The following DTNA variants were observed in gnomAD, a reference collection of about 807,000 sequenced individuals.
DTNA encodes the protein dystrophin-related protein 3.
In DTNA, 43 loss-of-function variants were observed where a neutral mutation model predicts 100.7. The ratio of observed to expected loss-of-function variants is 0.43; its 90% CI spans 0.33 to 0.55. The LOEUF is 0.55. Ranked by LOEUF, DTNA falls within the 20% of genes least tolerant of loss-of-function variation. The pLI, the probability that DTNA is intolerant of heterozygous loss-of-function variation, is 0.04. For synonymous variants in DTNA, 349 were observed against 347.9 expected (o/e 1.00, Z -0.04); for missense variants, 798 against 953.9 (o/e 0.84, Z 2.15).
intron 3 of DTNA, among the ~76,000 whole-genome samples, chr18:34,782,318 G>T (rs1366384543): frequency 1.3e-5 from 2 of 152,142 alleles, no homozygotes; most frequent in Non-Finnish European, 2.9e-5. Context: ...AGAAACTGAT[G>T]AAAGCCATGG....
intron 1 of DTNA, among the ~76,000 whole-genome samples, chr18:34,688,365 T>C (rs896323793): frequency 6.6e-6 from 1 of 152,196 alleles, no homozygotes; most frequent in African/African-American, 2.4e-5. Context: ...AGTATTTGCT[T>C]GTCTGTAAGG....
At chr18:34,536,088 T>C (rs528219433) in intron 1 of DTNA, among the ~76,000 whole-genome samples, 22 of 152,164 alleles carry the variant, frequency 1.4e-4, no homozygotes, top group South Asian at 6.2e-4. Context: ...TTTCCATTTC[T>C]TTCTTTAATT....
At chr18:34,664,500 G>C (rs940650664) in intron 1 of DTNA, among the ~76,000 whole-genome samples, 3 of 152,136 alleles carry the variant, frequency 2.0e-5, no homozygotes, top group Non-Finnish European at 4.4e-5. Context: ...TAGTATGCAA[G>C]TGGAATAAAA....
At chr18:34,602,971 C>T (rs1234652871) in intron 1 of DTNA, among the ~76,000 whole-genome samples, 1 of 151,514 alleles carries the variant, frequency 6.6e-6, no homozygotes, top group Non-Finnish European at 1.5e-5. Context: ...CCATTGTACT[C>T]CAGCCCGGGC....
chr18:34,511,437 G>A (rs1010829644), intron 1 of DTNA, among the ~76,000 whole-genome samples: 1 of 152,032 alleles, frequency 6.6e-6, no homozygotes, highest in African/African-American at 2.4e-5. Flanking sequence ...CCACCAAAAG[G>A]TAGAGCTGAA....
chr18:34,696,758 T>A (rs887068353), intron 1 of DTNA, among the ~76,000 whole-genome samples: 7 of 152,160 alleles, frequency 4.6e-5, no homozygotes, highest in Non-Finnish European at 7.3e-5. Flanking sequence ...GATTTTTTTT[T>A]AATTTAAATG....
chr18:34,601,035 G>T (rs758303410), intron 1 of DTNA, among the ~76,000 whole-genome samples: 1 of 152,226 alleles, frequency 6.6e-6, no homozygotes, highest in Non-Finnish European at 1.5e-5. Context: ...GTGAGCCCCA[G>T]TACTGGGGCT....
chr18:34,671,809 C>A (rs535531501), intron 1 of DTNA, among the ~76,000 whole-genome samples: 1 of 152,248 alleles, frequency 6.6e-6, no homozygotes, highest in African/African-American at 2.4e-5. Flanking sequence ...TCAACAGACA[C>A]AGTTATACCA....
intron 22 of DTNA, 134 bp from the exon 23 acceptor site, chr18:34,887,632 T>G: frequency 1.8e-6 from 1 of 566,256 alleles, no homozygotes; most frequent in Non-Finnish European, 2.2e-6. Context: ...GAAAGGAGTG[T>G]GTGTGTGCAT....
At chr18:34,579,311 A>G (rs1308953214) in intron 1 of DTNA, among the ~76,000 whole-genome samples, 1 of 152,186 alleles carries the variant, frequency 6.6e-6, no homozygotes, top group Non-Finnish European at 1.5e-5. Context: ...GTAGATGATG[A>G]TAGATATGTA....
chr18:34,781,276 T>C (rs1202994674), intron 3 of DTNA, among the ~76,000 whole-genome samples: 1 of 152,246 alleles, frequency 6.6e-6, no homozygotes, highest in African/African-American at 2.4e-5. Context: ...AAGAGTAGTA[T>C]ACATTAATAT....
At chr18:34,695,173 T>G (rs937893774) in intron 1 of DTNA, among the ~76,000 whole-genome samples, 1 of 152,220 alleles carries the variant, frequency 6.6e-6, no homozygotes, top group Non-Finnish European at 1.5e-5. Flanking sequence ...GCAGGACTTG[T>G]AAATGCCCCC....
intron 1 of DTNA, among the ~76,000 whole-genome samples, chr18:34,515,452 CA>C (rs2041507957): frequency 2.6e-5 from 4 of 152,122 alleles, no homozygotes; most frequent in African/African-American, 9.7e-5. Context: ...CTTGCACACA[CA>C]TACACACAAA....
intron 17 of DTNA, chr18:34,866,742 CA>C (rs1211375506): frequency 1.0e-6 from 1 of 989,620 alleles, no homozygotes; most frequent in Non-Finnish European, 1.2e-6. Flanking sequence ...ATTCACGTCC[CA>C]TCTTTTTGGC....
chr18:34,697,372 A>G (rs2080723608), intron 1 of DTNA, among the ~76,000 whole-genome samples: 2 of 152,196 alleles, frequency 1.3e-5, no homozygotes, highest in Non-Finnish European at 2.9e-5. Context: ...AAATACCTAC[A>G]TAACTGCCTT....
intron 1 of DTNA, among the ~76,000 whole-genome samples, chr18:34,702,016 T>C (rs1397700849): frequency 6.6e-6 from 1 of 152,198 alleles, no homozygotes; most frequent in Admixed American, 6.5e-5. Context: ...TTCAGAAGCT[T>C]TGTGCTGCCC....
In DTNA at chr18:34,875,220, A is replaced by G. The variant is rs1334685229; in HGVS notation, c.1744-19A>G. The stretch of plus-strand genomic sequence containing the variant: ...ATTTTCTTGGGAAAGCAAATTAATG[A>G]CCTGCATTGTCTCTCCAGACTCAGG... On this transcript the variant is annotated intron_variant, in intron 17 of 22. Coordinates refer to ENST00000444659, the MANE Select transcript of DTNA (RefSeq NM_001386795.1). The G allele has an allele frequency of 3.1e-6, 5 of 1,611,902 alleles. No individual in the cohort carries two copies. The highest frequency in any genetic ancestry group is 1.7e-5 in the Admixed American group (1 of 59,968).
At chr18:34,756,231 C>G (rs2092759168) in intron 2 of DTNA, among the ~76,000 whole-genome samples, 188 bp downstream of exon 2, 1 of 152,090 alleles carries the variant, frequency 6.6e-6, no homozygotes, top group South Asian at 2.1e-4. Context: ...GTAATTCATC[C>G]TAATTTGCTA....
intron 1 of DTNA, among the ~76,000 whole-genome samples, chr18:34,517,288 A>G (rs901144711): frequency 6.6e-6 from 1 of 152,158 alleles, no homozygotes; most frequent in African/African-American, 2.4e-5. Context: ...TTATTTTCAG[A>G]TAATTACAGA....
Sources: allele counts gnomAD v4.1 joint callset (sites outside exome capture counted in the v4.1 genomes callset), GRCh38; gene constraint gnomAD v4.1.1; transcripts MANE v1.5; gene names NCBI Gene and HGNC (gene_info 2026-07-23, HGNC 2026-07-21).